The following LRP6 variants were observed in gnomAD, a reference collection of about 807,000 sequenced individuals.
LRP6 encodes low-density lipoprotein receptor-related protein 6.
LRP6 carries 43 observed loss-of-function variants against 184.1 expected under a neutral mutation model. That is an observed-to-expected ratio of 0.23 (90% CI 0.18 to 0.30). LRP6 has a LOEUF of 0.30. LRP6 is among the 10% of genes least tolerant of loss of function. The pLI is 1.00. For synonymous variants in LRP6, 719 were observed against 684.9 expected, an observed-to-expected ratio of 1.05 and a Z score of -0.78; for missense variants, 1,571 against 2,005.3, an observed-to-expected ratio of 0.78 and a Z score of 4.14.
chr12:12,248,359 T>C (rs1865239426), intron 1 of LRP6, among the ~76,000 whole-genome samples: 1 of 151,884 alleles, frequency 6.6e-6, no homozygotes, highest in African/African-American at 2.4e-5. Context: ...TACTTCACAC[T>C]ACCATTCATT....
chr12:12,229,084 A>C (rs930998204), intron 2 of LRP6, among the ~76,000 whole-genome samples: 1 of 152,164 alleles, frequency 6.6e-6, no homozygotes, highest in African/African-American at 2.4e-5. Flanking sequence ...AAAATGAAGA[A>C]TATCGGCCCG....
chr12:12,231,180 C>CAA (rs10661340), intron 2 of LRP6, among the ~76,000 whole-genome samples: 6,603 of 23,526 alleles, frequency 0.28, 2,599 homozygotes, highest in South Asian at 0.43. Context: ...GACTCCATCT[C>CAA]AAAAAAAAAA....
At chr12:12,177,040 G>T (rs540725511) in intron 7 of LRP6, among the ~76,000 whole-genome samples, 2 of 151,966 alleles carry the variant, frequency 1.3e-5, no homozygotes, top group Admixed American at 1.3e-4. Context: ...TACAGACAGG[G>T]TTTCACCATG....
At chr12:12,162,130 C>A in intron 10 of LRP6, 63 bp downstream of exon 10, 1 of 1,230,342 alleles carries the variant, frequency 8.1e-7, no homozygotes, top group Non-Finnish European at 1.2e-6. Flanking sequence ...TCATCTGTAA[C>A]TATGCCATGT....
chr12:12,183,219 A>G (rs1399982018), intron 5 of LRP6, among the ~76,000 whole-genome samples: 1 of 152,142 alleles, frequency 6.6e-6, no homozygotes, highest in Non-Finnish European at 1.5e-5. Flanking sequence ...TTTCAGAGTT[A>G]GATAAAGAAG....
In LRP6 at chr12:12,158,813, G is replaced by A; in HGVS notation, c.2791+16C>T. ...TTCTCTCATTCTAGCTTGCTTTGGA[G>A]GGAAATGCAGCTTACCACTACAAGT... On this transcript the variant is annotated intron_variant, in intron 12 of 22. Transcript: ENST00000261349. The A allele has an allele frequency of 1.2e-6, 2 of 1,612,402 alleles. No homozygotes were observed. The highest frequency in any genetic ancestry group is 1.3e-5 in the African/African-American group (1 of 74,982).
chr12:12,121,156 C>T lies in LRP6; in HGVS notation c.4812G>A (p.Pro1604=), dbSNP rs745627708. 4 of 1,612,674 alleles carry T rather than the reference C, an allele frequency of 2.5e-6. No homozygotes were observed. The highest frequency in any genetic ancestry group is 3.4e-6 in the Non-Finnish European group (4 of 1,179,560). The change falls in exon 23 of 23, where the codon CCG becomes CCA. Residue 1604 remains proline (P), a synonymous_variant. Transcript: ENST00000261349. ...AGGAGTCTGTACAGGGAGAGGGTGG[C>T]GGTGGGTAGAGGTGATGAGAATAGC... ...ERSYSHHLYP[P]PPSPCTDSS is the part of the protein sequence containing the mutation.
chr12:12,198,526 TTC>T (rs1171942700), intron 3 of LRP6, among the ~76,000 whole-genome samples: 392 of 140,994 alleles, frequency 2.8e-3, no homozygotes, highest in African/African-American at 6.4e-3. Context: ...TTCTGAATTT[TTC>T]TCTTTTTTTT....
chr12:12,257,360 C>T (rs1198312311), intron 1 of LRP6, among the ~76,000 whole-genome samples: 3 of 151,912 alleles, frequency 2.0e-5, no homozygotes, highest in Non-Finnish European at 2.9e-5. Context: ...GGGTGGATCA[C>T]GAGGTCAGGA....
rs151202582 is a variant in LRP6 at position 12,169,385 on chromosome 12, G to T, written c.1546-4090C>A. 5.6e-3 allele frequency among the ~76,000 whole-genome samples: 846 copies of T among 152,220 alleles called. 5 individuals are homozygous for T. Among genetic ancestry groups the T allele is most frequent in the Non-Finnish European group, 0.01 (709 of 68,012 alleles). On this transcript the variant is annotated intron_variant, in intron 7 of 22. Coordinates refer to ENST00000261349, the MANE Select transcript of LRP6 (RefSeq NM_002336.3). ...TCAGAGCCCTTTGGATTTCAGAATT[G>T]CAGATAAAGGATTATAGATCAGAAA...
chr12:12,182,194 T>A (rs141698616), intron 5 of LRP6, among the ~76,000 whole-genome samples: 59 of 152,168 alleles, frequency 3.9e-4, no homozygotes, highest in African/African-American at 1.4e-3. Context: ...CATCTATACC[T>A]TGTAAGGTTG....
At chr12:12,251,520 C>T (rs1307922144) in intron 1 of LRP6, among the ~76,000 whole-genome samples, 2 of 151,904 alleles carry the variant, frequency 1.3e-5, no homozygotes, top group Non-Finnish European at 2.9e-5. Flanking sequence ...CCCGCCACCA[C>T]GCACGGCTAA....
At chr12:12,220,585 G>A (rs995895999) in intron 2 of LRP6, among the ~76,000 whole-genome samples, 1 of 144,856 alleles carries the variant, frequency 6.9e-6, no homozygotes, top group Admixed American at 7.3e-5. Flanking sequence ...GAACACTAAC[G>A]CATATTTTTC....
chr12:12,216,235 C>T (rs1864340355), intron 2 of LRP6, among the ~76,000 whole-genome samples: 1 of 152,162 alleles, frequency 6.6e-6, no homozygotes, highest in Admixed American at 6.6e-5. Context: ...ACCCCTCTAT[C>T]TATCATAAGC....
At chr12:12,179,342 CACCAG>C (rs2136985915) in intron 7 of LRP6, among the ~76,000 whole-genome samples, 1 of 150,772 alleles carries the variant, frequency 6.6e-6, no homozygotes, top group African/African-American at 2.5e-5. Context: ...TCTGCCCCAA[CACCAG>C]TTAACAGCAA....
rs1863328454 is a variant in LRP6, at chr12:12,180,911, TA to T, written c.1373+131del. Reference sequence around the variant, plus strand: ...AGATTGTATTCTAATCACCATATCCTAAAATAGACAGCCATTAAAGAGCTGT... The same window carrying T: ...AGATTGTATTCTAATCACCATATCCTAAATAGACAGCCATTAAAGAGCTGT... On this transcript the variant is annotated intron_variant, in intron 6 of 22. Transcript: ENST00000261349. The T allele has an allele frequency of 4.2e-6, 4 of 951,056 alleles. No individual in the cohort carries two copies. In the Admixed American group the frequency reaches 6.0e-5, roughly 14 times the overall value. 58.9% of individuals were successfully genotyped at this position (951,056 alleles called of 1,614,324 possible). A position where few individuals can be genotyped will look rare whatever the true frequency, so the allele number is the denominator to read the frequency against.
Position 12,266,578 on chromosome 12 carries a change from T to C in LRP6, c.55+103A>G. The C allele has an allele frequency of 3.7e-6, 3 of 808,052 alleles. No individual in the cohort carries two copies. The South Asian group carries it at 4.9e-5, about 13-fold the overall frequency. The allele number at this position is 808,052 out of a possible 1,614,324, so 50.1% of individuals were successfully genotyped here. On this transcript the variant is annotated intron_variant, in intron 1 of 22. Coordinates refer to ENST00000261349, the MANE Select transcript of LRP6 (RefSeq NM_002336.3). ...ACGACCAGGCCTCTCCCCGCTCCTC[T>C]CCCCTTCTCCCTTCCTCCGTCCCTC...
intron 15 of LRP6, among the ~76,000 whole-genome samples, chr12:12,142,134 G>C (rs1008868390): frequency 6.6e-6 from 1 of 152,180 alleles, no homozygotes; most frequent in East Asian, 1.9e-4. Context: ...TGGGAACTGA[G>C]AGCAGCAGAG....
intron 3 of LRP6, among the ~76,000 whole-genome samples, chr12:12,202,261 C>T (rs1488948003): frequency 1.3e-5 from 2 of 152,260 alleles, no homozygotes; most frequent in African/African-American, 4.8e-5. Context: ...TAAAGTTTTA[C>T]ACCAGGTGCT....
Sources: gnomAD v4.1 joint callset for allele counts (sites outside exome capture counted in the v4.1 genomes callset) on GRCh38, gnomAD v4.1.1 for gene constraint, MANE v1.5 for transcripts, NCBI Gene and HGNC (gene_info 2026-07-23, HGNC 2026-07-21) for gene names.